Variants in CDK14 observed in about 807,000 individuals in gnomAD.
The protein encoded by CDK14 is cyclin-dependent kinase 14.
CDK14 carries 34 observed loss-of-function variants against 60.7 expected under a neutral mutation model. That is an observed-to-expected ratio of 0.56 (90% CI 0.43 to 0.75). The LOEUF (loss-of-function observed/expected upper bound fraction) is 0.75, where lower values mean the gene tolerates loss of function less well. Ranked by LOEUF, CDK14 falls within the 30% of genes least tolerant of loss-of-function variation. The pLI, the probability that CDK14 is intolerant of heterozygous loss-of-function variation, is 0.00. For missense variants in CDK14, 482 were observed against 564.1 expected, an observed-to-expected ratio of 0.85 and a Z score of 1.47; for synonymous variants, 197 against 203.7, an observed-to-expected ratio of 0.97 and a Z score of 0.28.
chr7:91,093,736 G>A (rs1798899388), intron 12 of CDK14, among the ~76,000 whole-genome samples: 1 of 152,122 alleles, frequency 6.6e-6, no homozygotes, highest in East Asian at 1.9e-4. Context: ...CATGTTCATC[G>A]TAGCACTGTT....
intron 2 of CDK14, among the ~76,000 whole-genome samples, chr7:90,638,220 T>G (rs1251567048): frequency 1.3e-5 from 2 of 152,218 alleles, no homozygotes; most frequent in East Asian, 3.8e-4. Context: ...AGTTTCTTCC[T>G]AGTCCTGATG....
intron 9 of CDK14, among the ~76,000 whole-genome samples, chr7:90,962,183 T>C (rs1794621083): frequency 7.5e-6 from 1 of 133,484 alleles, no homozygotes; most frequent in Non-Finnish European, 1.6e-5. Context: ...ACCTCTATTT[T>C]TATGTCAAAA....
intron 10 of CDK14, among the ~76,000 whole-genome samples, chr7:91,045,022 G>A (rs563591297): frequency 1.3e-5 from 2 of 152,310 alleles, no homozygotes; most frequent in East Asian, 1.9e-4. Flanking sequence ...GCTCAGTGGG[G>A]TTATTTCTCA....
intron 8 of CDK14, among the ~76,000 whole-genome samples, chr7:90,946,133 A>G (rs566129759): frequency 1.3e-3 from 199 of 152,308 alleles, no homozygotes; most frequent in Non-Finnish European, 2.2e-3. Context: ...AATAAATAAG[A>G]ATATTATAGA....
intron 11 of CDK14, among the ~76,000 whole-genome samples, chr7:91,065,963 T>A (rs1797963584): frequency 6.6e-6 from 1 of 152,198 alleles, no homozygotes; most frequent in Admixed American, 6.5e-5. Context: ...GACTGGAGCC[T>A]TTTGCCTTCA....
intron 10 of CDK14, among the ~76,000 whole-genome samples, chr7:91,002,618 T>C (rs1795871966): frequency 6.6e-6 from 1 of 152,164 alleles, no homozygotes; most frequent in Non-Finnish European, 1.5e-5. Context: ...GAACCTAGGA[T>C]GTAAAAGCAA....
intron 10 of CDK14, 125 bp from the exon 11 acceptor site, chr7:91,045,772 A>G (rs1231929068): frequency 1.6e-6 from 1 of 607,814 alleles, no homozygotes; most frequent in African/African-American, 1.8e-5. Context: ...AATCTCTGGC[A>G]TACGATAATG....
In CDK14 at chr7:90,842,000, C is replaced by A. The variant is rs541083239; in HGVS notation, c.545-21175C>A. On this transcript the variant is annotated intron_variant, in intron 5 of 14. Coordinates refer to ENST00000380050, the MANE Select transcript of CDK14 (RefSeq NM_001287135.2). ...ATTTTTTTAAAAAATAATCATAACACCTTGGAGTGCCCTTAGCAACAAGCA... is the reference window on the plus strand; with the variant it reads ...ATTTTTTTAAAAAATAATCATAACAACTTGGAGTGCCCTTAGCAACAAGCA... Among the ~76,000 whole-genome samples the A allele has an allele frequency of 2.0e-5, 3 of 152,092 alleles. No homozygotes were observed. The East Asian group carries it at 5.8e-4, about 29-fold the overall frequency.
chr7:90,611,550 G>A (rs1031592454), intron 2 of CDK14, among the ~76,000 whole-genome samples: 2 of 152,180 alleles, frequency 1.3e-5, no homozygotes, highest in East Asian at 3.9e-4. Flanking sequence ...TGTTGGCTTG[G>A]TTTTTGTTCC....
intron 2 of CDK14, among the ~76,000 whole-genome samples, chr7:90,703,923 A>G (rs900032860): frequency 6.6e-6 from 1 of 152,112 alleles, no homozygotes. Context: ...CTGTCTCTAC[A>G]AAAAATACAA....
chr7:91,098,741 C>T (rs1280135634), intron 12 of CDK14, among the ~76,000 whole-genome samples: 1 of 152,014 alleles, frequency 6.6e-6, no homozygotes, highest in Non-Finnish European at 1.5e-5. Context: ...TTTATCATGG[C>T]CCAAGATTCA....
intron 2 of CDK14, among the ~76,000 whole-genome samples, chr7:90,664,338 G>T (rs1462761531): frequency 6.6e-6 from 1 of 152,118 alleles, no homozygotes; most frequent in African/African-American, 2.4e-5. Context: ...TACACTGTTG[G>T]TGGGACTGTA....
At chr7:90,959,815 G>C (rs539258706) in intron 9 of CDK14, among the ~76,000 whole-genome samples, 24 of 152,230 alleles carry the variant, frequency 1.6e-4, no homozygotes, top group African/African-American at 5.5e-4. Context: ...TGTGATTTGG[G>C]AACTCATCAA....
intron 12 of CDK14, among the ~76,000 whole-genome samples, chr7:91,112,156 A>T (rs2116351913): frequency 6.6e-6 from 1 of 152,304 alleles, no homozygotes; most frequent in East Asian, 1.9e-4. Context: ...TTAATTCTTT[A>T]GTATTTGTTA....
intron 5 of CDK14, among the ~76,000 whole-genome samples, chr7:90,816,085 T>A (rs555500810): frequency 2.7e-5 from 4 of 150,106 alleles, no homozygotes; most frequent in East Asian, 1.9e-4. Flanking sequence ...AAAATTTTTT[T>A]AAAAAAAGGG....
chr7:90,793,719 TC>T (rs1270657521), intron 5 of CDK14, among the ~76,000 whole-genome samples: 4 of 922 alleles, frequency 4.3e-3, no homozygotes, highest in South Asian at 0.012. Context: ...CGTGAGAAAC[TC>T]TTAATACAGA....
intron 4 of CDK14, among the ~76,000 whole-genome samples, chr7:90,762,227 C>G (rs1421859508): frequency 2.0e-5 from 3 of 152,106 alleles, no homozygotes; most frequent in African/African-American, 7.2e-5. Context: ...TGAGAAAGAG[C>G]TTGGTGTGTT....
At chr7:90,673,269 A>C (rs1436847058) in intron 2 of CDK14, among the ~76,000 whole-genome samples, 1 of 152,148 alleles carries the variant, frequency 6.6e-6, no homozygotes, top group Non-Finnish European at 1.5e-5. Context: ...AAACATATGG[A>C]TATACTTCAG....
chr7:91,179,451 A>G (rs2115866490), intron 14 of CDK14, among the ~76,000 whole-genome samples: 1 of 151,552 alleles, frequency 6.6e-6, no homozygotes, highest in East Asian at 2.0e-4. Context: ...ACATGTATAC[A>G]TATGTAACTA....
Sources: allele counts gnomAD v4.1 joint callset (sites outside exome capture counted in the v4.1 genomes callset), GRCh38; gene constraint gnomAD v4.1.1; transcripts MANE v1.5; gene names NCBI Gene and HGNC (gene_info 2026-07-23, HGNC 2026-07-21).